Variants in LRP1 observed in about 807,000 individuals in gnomAD.
The protein encoded by LRP1 is LDL receptor related protein 1.
LRP1 carries 51 observed loss-of-function variants against 541.5 expected under a neutral mutation model. That is an observed-to-expected ratio of 0.09 (90% CI 0.08 to 0.12). The LOEUF (loss-of-function observed/expected upper bound fraction) is 0.12. Ranked by LOEUF, LRP1 falls within the 10% of genes least tolerant of loss-of-function variation. The pLI is 1.00. For synonymous variants in LRP1, 2,219 were observed against 2,470.8 expected (o/e 0.90, Z 3.02); for missense variants, 3,878 against 6,376.2 (o/e 0.61, Z 13.34).
At position 57,199,882 on chromosome 12, in the gene LRP1, A is replaced by G; in HGVS notation, c.9871A>G (p.Asn3291Asp). The G allele has an allele frequency of 6.3e-7, 1 of 1,585,204 alleles. No individual in the cohort carries two copies. Among genetic ancestry groups the G allele is most frequent in the Non-Finnish European group, 8.6e-7 (1 of 1,169,286 alleles). ...FHALRQPDVP[N>D]HPCKVNNGGC... is the part of the protein sequence containing the mutation. Reference sequence around the variant, plus strand: ...CACGACGTTTTCTCTGGCAGTGCCCAATCACCCCTGCAAGGTCAACAATGG... The same window carrying G: ...CACGACGTTTTCTCTGGCAGTGCCCGATCACCCCTGCAAGGTCAACAATGG... Residue 3291 changes from asparagine (N) to aspartate (D), a missense_variant, in exon 62 of 89, where the codon AAT becomes GAT. Coordinates refer to ENST00000243077, the MANE Select transcript of LRP1 (RefSeq NM_002332.3).
At position 57,173,869 on chromosome 12, in the gene LRP1, A is replaced by G; in HGVS notation, c.3436A>G (p.Arg1146Gly). 1 of 1,614,218 alleles carries G rather than the reference A, an allele frequency of 6.2e-7. No homozygotes were observed. Among genetic ancestry groups the G allele is most frequent in the East Asian group, 2.2e-5 (1 of 44,870 alleles). ...DEENCESLACRPPSHPCANNT... is the reference protein window; with the variant it reads ...DEENCESLACGPPSHPCANNT... ...GGAGAACTGCGAGTCCCTGGCCTGC[A>G]GGCCACCCTCGCACCCTTGTGCCAA... Residue 1146 changes from arginine (R) to glycine (G), a missense_variant, in exon 22 of 89, where the codon AGG (arginine) becomes GGG (glycine). By Grantham distance (125) the Arg-to-Gly change is moderately radical (BLOSUM62 -2). Coordinates refer to ENST00000243077, the MANE Select transcript of LRP1 (RefSeq NM_002332.3). This position sits in a 1 kb window ranked among gnomAD's most constrained non-coding sequence, Gnocchi z 4.7.
At chr12:57,191,605 C>T (rs968670646) in intron 44 of LRP1, 93 bp downstream of exon 44, 58 of 1,142,304 alleles carry the variant, frequency 5.1e-5, no homozygotes, top group South Asian at 3.5e-4. Context: ...ACATACCACA[C>T]GCACCCTACA....
rs769478229 is a variant in LRP1, at chr12:57,190,869, G to T, written c.7096G>T (p.Ala2366Ser). 6.2e-6 allele frequency: 10 copies of T among 1,613,892 alleles called. No homozygotes were observed. Among genetic ancestry groups the T allele is most frequent in the Non-Finnish European group, 8.5e-6 (10 of 1,179,990 alleles). The change falls in exon 43 of 89, where the codon GCC (alanine) becomes TCC (serine). Residue 2366 changes from alanine (A) to serine (S), a missense_variant. Physicochemically the swap from Ala to Ser is moderately conservative, Grantham distance 99. Coordinates refer to ENST00000243077, the MANE Select transcript of LRP1 (RefSeq NM_002332.3). ...PSIMRAALSG[A>S]NVLTLIEKDI... is the part of the protein sequence containing the mutation. ...CATCATGCGGGCGGCGCTCTCGGGAGCCAATGTCCTGACCCTTATCGAGAA... is the reference window on the plus strand; with the variant it reads ...CATCATGCGGGCGGCGCTCTCGGGATCCAATGTCCTGACCCTTATCGAGAA...
chr12:57,195,974 C>G lies in LRP1; in HGVS notation c.8672C>G (p.Ala2891Gly), dbSNP rs773020150. The G allele has an allele frequency of 2.5e-6, 4 of 1,613,178 alleles. No individual in the cohort carries two copies. Among genetic ancestry groups the G allele is most frequent in the Non-Finnish European group, 3.4e-6 (4 of 1,179,990 alleles). The change falls in exon 54 of 89, where the codon GCT becomes GGT. Residue 2891 changes from alanine to glycine, a missense_variant. This residue lies in a region of LRP1 where 1,100 missense variants were observed against 1,827.4 expected (regional missense o/e 0.60). Transcript: ENST00000243077. ...ENDCHDQSDEAPKNPHCTSQE... is the reference protein window; with the variant it reads ...ENDCHDQSDEGPKNPHCTSQE... ...GACTGCCACGACCAGAGTGACGAGG[C>G]TCCCAAGAACCCACACTGCACCAGC...
intron 41 of LRP1, 136 bp from the exon 42 acceptor site, chr12:57,187,131 T>G: frequency 1.2e-6 from 1 of 814,352 alleles, no homozygotes; most frequent in Non-Finnish European, 1.9e-6. Context: ...CCCTCTCTGC[T>G]GCACCTCTTG....
At position 57,178,526 on chromosome 12, in the gene LRP1, A is replaced by G; in HGVS notation, c.4529A>G (p.His1510Arg). ...GCTAAGGCCAACAAGTGGACCGGCC[A>G]CAATGTCACCGTGGTACAGAGGACC... ...TLAKANKWTGHNVTVVQRTNT... is the reference protein window; with the variant it reads ...TLAKANKWTGRNVTVVQRTNT... The change falls in exon 27 of 89, where the codon CAC becomes CGC. Residue 1510 changes from histidine to arginine, a missense_variant. Transcript: ENST00000243077. The surrounding 1 kb of genome is among the most constrained non-coding windows in gnomAD (Gnocchi z 5.8). 1 of 1,614,242 alleles carries G rather than the reference A, an allele frequency of 6.2e-7. No individual in the cohort carries two copies. Among genetic ancestry groups the G allele is most frequent in the Non-Finnish European group, 8.5e-7 (1 of 1,180,034 alleles).
At chr12:57,166,895 G>A (rs2035850857) in intron 17 of LRP1, 35 bp from the exon 18 acceptor site, 3 of 1,103,346 alleles carry the variant, frequency 2.7e-6, no homozygotes, top group Non-Finnish European at 2.8e-6. Context: ...AGAGGGTCAG[G>A]ACAATGAGTA....
rs534439537 is a variant in LRP1 at position 57,189,582 on chromosome 12, A to G, written c.7032-1223A>G. ...GCCCAGCAGAAGGCGGGATAGTTCAATGGTGCTGGAGACGCTGGGGGTGGG... is the reference window on the plus strand; with the variant it reads ...GCCCAGCAGAAGGCGGGATAGTTCAGTGGTGCTGGAGACGCTGGGGGTGGG... On this transcript the variant is annotated intron_variant, in intron 42 of 88. Transcript: ENST00000243077. The surrounding 1 kb of genome is among the most constrained non-coding windows in gnomAD (Gnocchi z 4.4). 6.6e-6 allele frequency among the ~76,000 whole-genome samples: 1 copy of G among 152,154 alleles called. No homozygotes were observed. Among genetic ancestry groups the G allele is most frequent in the African/African-American group, 2.4e-5 (1 of 41,516 alleles).
Position 57,209,836 on chromosome 12 carries a change from T to C in LRP1, c.12407T>C (p.Val4136Ala). 1 of 1,614,156 alleles carries C rather than the reference T, an allele frequency of 6.2e-7. No homozygotes were observed. The highest frequency in any genetic ancestry group is 1.1e-5 in the South Asian group (1 of 91,088). Residue 4136 changes from valine (V) to alanine (A), a missense_variant, in exon 80 of 89, where the codon GTG becomes GCG. Transcript: ENST00000243077. ...GGGGGCCTGAGCCACGCCTCTGACGTGGTCCTTTACCATCAGCACAAGCAG... is the reference window on the plus strand; with the variant it reads ...GGGGGCCTGAGCCACGCCTCTGACGCGGTCCTTTACCATCAGCACAAGCAG... ...LTGGLSHASDVVLYHQHKQPE... is the reference protein window; with the variant it reads ...LTGGLSHASDAVLYHQHKQPE...
rs748403383 is a variant in LRP1, at chr12:57,158,542, G to T, written c.1702G>T (p.Ala568Ser). ...GAACCCCCGAGCCCTGGACTTCCAC[G>T]CTGAGACCGGCTTCATCTACTTTGC... The part of the protein sequence containing the change: ...LMNPRALDFH[A>S]ETGFIYFADT... Residue 568 changes from alanine (A) to serine (S), a missense_variant, in exon 11 of 89, where the codon GCT (alanine) becomes TCT (serine). Transcript: ENST00000243077. This position sits in a 1 kb window ranked among gnomAD's most constrained non-coding sequence, Gnocchi z 5.3. The T allele has an allele frequency of 2.4e-5, 39 of 1,614,064 alleles. No homozygotes were observed. In the South Asian group the frequency reaches 4.3e-4, roughly 18 times the overall value.
intron 6 of LRP1, chr12:57,148,979 AGT>A (rs752999408): frequency 1.3e-5 from 8 of 626,710 alleles, no homozygotes; most frequent in Admixed American, 2.5e-5. Context: ...TTATTTTTTT[AGT>A]GTGTGTGTTT....
At chr12:57,208,980 G>T (rs1306466934) in intron 78 of LRP1, 103 bp from the exon 79 acceptor site, 8 of 1,090,180 alleles carry the variant, frequency 7.3e-6, no homozygotes, top group Admixed American at 1.8e-5. Context: ...ACTGTGAGTG[G>T]CGTATGAACA....
Position 57,198,504 on chromosome 12 carries a change from C to T in LRP1, c.9510C>T (p.Ile3170=), listed in dbSNP as rs745550858. 6.2e-7 allele frequency: 1 copy of T among 1,614,008 alleles called. No homozygotes were observed. The highest frequency in any genetic ancestry group is 1.1e-5 in the South Asian group (1 of 91,062). Residue 3170 remains isoleucine, a synonymous_variant, in exon 60 of 89, where the codon ATC becomes ATT. Coordinates refer to ENST00000243077, the MANE Select transcript of LRP1 (RefSeq NM_002332.3). ...YWTDWGDHSL[I]GRIGMDGSSR... is the part of the protein sequence containing the mutation. ...CAGACTGGGGTGACCATTCACTGAT[C>T]GGCCGCATCGGCATGGATGGGTCCA...
rs1382830277 is a variant in LRP1 at position 57,212,339 on chromosome 12, A to G, written c.13495-76A>G. 2 of 1,589,298 alleles carry G rather than the reference A, an allele frequency of 1.3e-6. No homozygotes were observed. The highest frequency in any genetic ancestry group is 1.7e-5 in the Admixed American group (1 of 59,896). ...CCAAAGGTGTTGGGTTAGGTGAGGGACGGAGGTGGGGGTGGGGTAACCTGG... is the reference window on the plus strand; with the variant it reads ...CCAAAGGTGTTGGGTTAGGTGAGGGGCGGAGGTGGGGGTGGGGTAACCTGG... On this transcript the variant is annotated intron_variant, in intron 88 of 88. Transcript: ENST00000243077. This position sits in a 1 kb window ranked among gnomAD's most constrained non-coding sequence, Gnocchi z 5.0.
chr12:57,166,172 T>C lies in LRP1; in HGVS notation c.2760T>C (p.Cys920=). 1 of 1,613,760 alleles carries C rather than the reference T, an allele frequency of 6.2e-7. No homozygotes were observed. Among genetic ancestry groups the C allele is most frequent in the Non-Finnish European group, 8.5e-7 (1 of 1,179,862 alleles). Residue 920 remains cysteine, a synonymous_variant, in exon 17 of 89, where the codon TGT becomes TGC. Transcript: ENST00000243077. The stretch of plus-strand genomic sequence containing the variant: ...GGCTCTGCGACGGGGACAATGACTG[T>C]GGGAACAGTGAAGATGAGTCCAATG... ...NRWLCDGDND[C]GNSEDESNAT...
intron 20 of LRP1, among the ~76,000 whole-genome samples, chr12:57,171,195 G>A (rs1429590375): frequency 6.6e-6 from 1 of 152,198 alleles, no homozygotes; most frequent in African/African-American, 2.4e-5. Context: ...CCCTGAGCCT[G>A]GGCATCCTCC....
At chr12:57,135,160 C>T (rs1162928372) in intron 1 of LRP1, among the ~76,000 whole-genome samples, 1 of 152,230 alleles carries the variant, frequency 6.6e-6, no homozygotes, top group Admixed American at 6.5e-5. Context: ...AGTTAATAGT[C>T]ACCGTATTTC....
At chr12:57,193,778 G>A in intron 47 of LRP1, 93 bp downstream of exon 47, 2 of 1,607,038 alleles carry the variant, frequency 1.2e-6, no homozygotes, top group East Asian at 4.5e-5. Flanking sequence ...CGTGGTGTCT[G>A]GTTCAAGGCA....
At chr12:57,170,235 C>A (rs2035919063) in intron 20 of LRP1, among the ~76,000 whole-genome samples, 2 of 152,234 alleles carry the variant, frequency 1.3e-5, no homozygotes, top group Admixed American at 6.5e-5. Context: ...TTAGGATACA[C>A]CCTTATGACC....
Sources: allele counts gnomAD v4.1 joint callset (sites outside exome capture counted in the v4.1 genomes callset), GRCh38; gene constraint gnomAD v4.1.1; regional missense constraint gnomAD v4.1.1; non-coding constraint Gnocchi (gnomAD v3.1); transcripts MANE v1.5; gene names NCBI Gene and HGNC (gene_info 2026-07-23, HGNC 2026-07-21).